Variants in EYS observed in about 807,000 individuals in gnomAD.
The protein encoded by EYS is EGF-like photoreceptor maintenance factor.
A neutral mutation model predicts 282.1 loss-of-function variants in EYS; 250 were observed. That is an observed-to-expected ratio of 0.89 (90% CI 0.80 to 0.98). The LOEUF (loss-of-function observed/expected upper bound fraction) is 0.98. Ranked by LOEUF, EYS falls within the 50% of genes least tolerant of loss-of-function variation. The probability of loss-of-function intolerance (pLI) is 0.00; values close to 1 mark genes in which losing one functional copy is unlikely to be tolerated. For synonymous variants in EYS, 1,355 were observed against 1,282.9 expected (o/e 1.06, Z -1.20); for missense variants, 4,016 against 3,709.0 (o/e 1.08, Z -2.15).
chr6:65,688,683 A>C (rs552996769), intron 1 of EYS, among the ~76,000 whole-genome samples: 1 of 152,324 alleles, frequency 6.6e-6, no homozygotes, highest in African/African-American at 2.4e-5. Context: ...ACAAGAAAAA[A>C]ACAAACAACC....
chr6:63,821,670 G>A (rs1318601738), intron 36 of EYS: 1 of 152,194 alleles, frequency 6.6e-6, no homozygotes, highest in Non-Finnish European at 1.5e-5. Flanking sequence ...CTCAGCTGTA[G>A]GACAAAGATA....
chr6:64,443,683 G>A (rs940003758), intron 26 of EYS, among the ~76,000 whole-genome samples: 7 of 152,104 alleles, frequency 4.6e-5, no homozygotes, highest in African/African-American at 1.7e-4. Context: ...AAAAACAAGA[G>A]TTTCTCTCTT....
chr6:64,751,489 G>C (rs996337086), intron 22 of EYS, among the ~76,000 whole-genome samples: 3 of 152,204 alleles, frequency 2.0e-5, no homozygotes, highest in Non-Finnish European at 4.4e-5. Flanking sequence ...CTGCCTTTGA[G>C]ATACCTGTAG....
At chr6:64,945,719 A>G in intron 15 of EYS, 74 bp downstream of exon 15, 1 of 1,304,826 alleles carries the variant, frequency 7.7e-7, no homozygotes, top group Non-Finnish European at 1.0e-6. Flanking sequence ...AGTGAAAATA[A>G]TGTCTGGATG....
At chr6:64,329,157 C>G (rs645531) in intron 29 of EYS, among the ~76,000 whole-genome samples, 114,601 of 152,008 alleles carry the variant, frequency 0.75, 43,835 homozygotes, top group African/African-American at 0.9. Flanking sequence ...CTTTATGGTC[C>G]ATACTGGTGT....
chr6:64,101,287 A>G (rs1772817869), intron 31 of EYS, among the ~76,000 whole-genome samples: 1 of 152,048 alleles, frequency 6.6e-6, no homozygotes, highest in Non-Finnish European at 1.5e-5. Context: ...TATTTTGAAG[A>G]TTGTGTAGAT....
intron 15 of EYS, among the ~76,000 whole-genome samples, chr6:64,939,973 CCT>C (rs1204865583): frequency 1.3e-5 from 2 of 151,918 alleles, no homozygotes; most frequent in Non-Finnish European, 2.9e-5. Flanking sequence ...AAAACAATCC[CCT>C]GTCATGGCTA....
At chr6:64,688,478 T>G (rs111375562) in intron 22 of EYS, among the ~76,000 whole-genome samples, 4,337 of 152,302 alleles carry the variant, frequency 0.028, 126 homozygotes, top group East Asian at 0.14. Flanking sequence ...CATTTTGTTA[T>G]GTACCCAGTA....
rs370205965 is a variant in EYS at position 64,837,566 on chromosome 6, C to CAT, written c.2993-14746_2993-14745dup. Reference sequence around the variant, plus strand: ...TCCCATTGTCCCTGTTTTCAGATGACATATATATATAATGATATGTATATG... The same window carrying CAT: ...TCCCATTGTCCCTGTTTTCAGATGACATATATATATATAATGATATGTATATG... On this transcript the variant is annotated intron_variant, in intron 19 of 42. Transcript: ENST00000503581. Among the ~76,000 whole-genome samples, 77 of 147,510 alleles carry CAT rather than the reference C, an allele frequency of 5.2e-4. 1 individual carries two copies. In the East Asian group the frequency reaches 0.012, roughly 23 times the overall value.
chr6:64,373,654 C>A (rs545766166), intron 29 of EYS, among the ~76,000 whole-genome samples: 16 of 152,100 alleles, frequency 1.1e-4, no homozygotes, highest in African/African-American at 1.4e-4. Flanking sequence ...AGAAGTAGGA[C>A]GGCTGAGCCA....
chr6:64,066,839 T>C (rs1771388997), intron 32 of EYS, among the ~76,000 whole-genome samples: 1 of 152,148 alleles, frequency 6.6e-6, no homozygotes, highest in South Asian at 2.1e-4. Flanking sequence ...GATAATTAAA[T>C]AAAATAATAA....
chr6:64,874,133 A>T (rs769803991), intron 19 of EYS, among the ~76,000 whole-genome samples: 9 of 152,134 alleles, frequency 5.9e-5, no homozygotes, highest in Non-Finnish European at 1.3e-4. Flanking sequence ...TTTGTTACAG[A>T]TAAAAATCAT....
rs1283086603 is a variant in EYS, at chr6:64,859,136, C to G, written c.2992+27561G>C. The stretch of plus-strand genomic sequence containing the variant: ...CTGATAAATGCACTTAGCAAATTTA[C>G]AGGATATACTTTCAACACAAAAAAT... On this transcript the variant is annotated intron_variant, in intron 19 of 42. Transcript: ENST00000503581. 2.0e-5 allele frequency among the ~76,000 whole-genome samples: 3 copies of G among 151,272 alleles called. No homozygotes were observed. In the East Asian group the frequency reaches 5.8e-4, roughly 29 times the overall value.
At chr6:65,439,668 A>G (rs1407996767) in intron 5 of EYS, among the ~76,000 whole-genome samples, 1 of 152,118 alleles carries the variant, frequency 6.6e-6, no homozygotes, top group Non-Finnish European at 1.5e-5. Flanking sequence ...ATTGGTGTAT[A>G]AGAATGCTTA....
intron 35 of EYS, among the ~76,000 whole-genome samples, chr6:63,923,399 A>G (rs1764626828): frequency 1.3e-5 from 2 of 152,190 alleles, no homozygotes; most frequent in Admixed American, 1.3e-4. Flanking sequence ...CGGTAAACGA[A>G]CCACAATTTT....
intron 22 of EYS, among the ~76,000 whole-genome samples, chr6:64,679,202 T>A (rs1010076092): frequency 6.6e-6 from 1 of 152,158 alleles, no homozygotes. Flanking sequence ...TGGTTCTTTT[T>A]TTTTATGGAT....
intron 31 of EYS, among the ~76,000 whole-genome samples, chr6:64,092,116 G>A (rs1381598867): frequency 1.3e-5 from 2 of 152,172 alleles, no homozygotes; most frequent in Non-Finnish European, 2.9e-5. Context: ...GTTCCATGGT[G>A]TATATGTGCC....
chr6:65,521,876 TA>T (rs1462528881), intron 2 of EYS, among the ~76,000 whole-genome samples: 2 of 152,170 alleles, frequency 1.3e-5, no homozygotes, highest in African/African-American at 4.8e-5. Flanking sequence ...GTTCTTGGTA[TA>T]TAACGGATGT....
rs1777606832 is a variant in EYS, at chr6:64,517,742, T to A, written c.5644+72481A>T. Among the ~76,000 whole-genome samples the A allele has an allele frequency of 2.0e-5, 3 of 151,750 alleles. No homozygotes were observed. In the Middle Eastern group the frequency reaches 0.01, roughly 516 times the overall value. The stretch of plus-strand genomic sequence containing the variant: ...GCTCTCAGAATAGAAAATAAAAAAA[T>A]TACTTTTACTAGTATACTCTAGCAC... On this transcript the variant is annotated intron_variant, in intron 26 of 42. Transcript: ENST00000503581.
Sources: allele counts gnomAD v4.1 joint callset (sites outside exome capture counted in the v4.1 genomes callset), GRCh38; gene constraint gnomAD v4.1.1; transcripts MANE v1.5; gene names NCBI Gene and HGNC (gene_info 2026-07-23, HGNC 2026-07-21).